Variants in CPNE8 observed in about 807,000 individuals in gnomAD.
The protein encoded by CPNE8 is copine 8.
In CPNE8, 45 loss-of-function variants were observed where a neutral mutation model predicts 81.5. That is an observed-to-expected ratio of 0.55 (90% CI 0.44 to 0.71). The LOEUF is 0.71. Among genes scored for constraint, CPNE8 ranks in the 30% least tolerant of loss-of-function variants. CPNE8 has a pLI of 0.00. For missense variants in CPNE8, 594 were observed against 672.1 expected (o/e 0.88, Z 1.28); for synonymous variants, 252 against 226.3 (o/e 1.11, Z -1.02).
At chr12:38,676,526 C>T (rs1939293347) in intron 17 of CPNE8, among the ~76,000 whole-genome samples, 1 of 152,078 alleles carries the variant, frequency 6.6e-6, no homozygotes, top group Non-Finnish European at 1.5e-5. Context: ...CTCATTTATA[C>T]CCAAGGTTAG....
chr12:38,763,437 G>C (rs566065097), intron 8 of CPNE8, among the ~76,000 whole-genome samples: 2 of 152,158 alleles, frequency 1.3e-5, no homozygotes, highest in African/African-American at 4.8e-5. Flanking sequence ...AGAATTCCTC[G>C]GGAGCCCCAA....
rs373488285 is a variant in CPNE8, at chr12:38,671,606, A to G, written c.1433-804T>C. ...TTTGTGCTTAAAGTATAATTCTATTACTGATAATTCATTTTGTATACACAT... is the reference window on the plus strand; with the variant it reads ...TTTGTGCTTAAAGTATAATTCTATTGCTGATAATTCATTTTGTATACACAT... On this transcript the variant is annotated intron_variant, in intron 18 of 19. Coordinates refer to ENST00000331366, the MANE Select transcript of CPNE8 (RefSeq NM_153634.3). Among the ~76,000 whole-genome samples the G allele has an allele frequency of 8.7e-4, 133 of 152,264 alleles. 2 individuals are homozygous for G. The South Asian group carries it at 0.026, about 30-fold the overall frequency.
intron 6 of CPNE8, among the ~76,000 whole-genome samples, chr12:38,799,017 C>T (rs1311905335): frequency 6.6e-6 from 1 of 152,136 alleles, no homozygotes; most frequent in Non-Finnish European, 1.5e-5. Flanking sequence ...AATATATATT[C>T]ACCCAATACA....
At chr12:38,795,247 C>A (rs750485322) in intron 6 of CPNE8, among the ~76,000 whole-genome samples, 2 of 152,282 alleles carry the variant, frequency 1.3e-5, no homozygotes, top group African/African-American at 4.8e-5. Context: ...CCATAATAAA[C>A]TTCCTTTCAT....
intron 6 of CPNE8, among the ~76,000 whole-genome samples, chr12:38,807,430 C>T (rs1285823532): frequency 6.6e-6 from 1 of 151,648 alleles, no homozygotes; most frequent in South Asian, 2.1e-4. Context: ...CAGAACAGAG[C>T]CCTCAGAAAT....
At chr12:38,715,310 G>T (rs77167870) in intron 13 of CPNE8, among the ~76,000 whole-genome samples, 1 of 152,004 alleles carries the variant, frequency 6.6e-6, no homozygotes, top group Non-Finnish European at 1.5e-5. Flanking sequence ...TAAGTATTTG[G>T]ATTAAGCAGA....
intron 4 of CPNE8, among the ~76,000 whole-genome samples, chr12:38,846,116 G>A (rs1297264202): frequency 2.6e-5 from 4 of 152,098 alleles, no homozygotes; most frequent in Non-Finnish European, 5.9e-5. Flanking sequence ...AAATGTTCCT[G>A]GAACAGACAA....
intron 4 of CPNE8, 52 bp downstream of exon 4, chr12:38,848,507 A>G (rs1397414002): frequency 1.3e-6 from 2 of 1,520,410 alleles, no homozygotes; most frequent in Non-Finnish European, 1.8e-6. Flanking sequence ...TACATTAGTA[A>G]TATTGTCTTT....
chr12:38,784,628 G>C (rs1320964443), intron 6 of CPNE8, among the ~76,000 whole-genome samples: 1 of 152,024 alleles, frequency 6.6e-6, no homozygotes, highest in African/African-American at 2.4e-5. Flanking sequence ...AAAGCAGCAA[G>C]AGAAAGAAAC....
In CPNE8 at chr12:38,806,829, G is replaced by T. The variant is rs1050942993; in HGVS notation, c.407+22550C>A. Among the ~76,000 whole-genome samples, 6 of 149,800 alleles carry T rather than the reference G, an allele frequency of 4.0e-5. 1 individual carries two copies. Among genetic ancestry groups the T allele is most frequent in the African/African-American group, 1.2e-4 (5 of 41,272 alleles). On this transcript the variant is annotated intron_variant, in intron 6 of 19. Coordinates refer to ENST00000331366, the MANE Select transcript of CPNE8 (RefSeq NM_153634.3). Reference sequence around the variant, plus strand: ...AGTCAAATTGTCCCTGTTTGCAGATGACATGCTGGTATATCTAGAAAACCC... The same window carrying T: ...AGTCAAATTGTCCCTGTTTGCAGATTACATGCTGGTATATCTAGAAAACCC...
intron 19 of CPNE8, among the ~76,000 whole-genome samples, chr12:38,655,329 G>A (rs1278261460): frequency 6.6e-6 from 1 of 152,100 alleles, no homozygotes; most frequent in Admixed American, 6.5e-5. Context: ...TAAACACTGT[G>A]CTGTTTGAGG....
Position 38,702,913 on chromosome 12 carries a change from ATTTGCG to A in CPNE8, c.917_922del (p.Thr306_Gln307del), listed in dbSNP as rs1169792226. 8 of 1,583,682 alleles carry A rather than the reference ATTTGCG, an allele frequency of 5.1e-6. No individual in the cohort carries two copies. The highest frequency in any genetic ancestry group is 5.2e-6 in the Non-Finnish European group (6 of 1,162,580). Reference sequence around the variant, plus strand: ...AAAATCAATAGCCACTGTGAAATTGATTTGCGTCCTGGAATAGAAGTAAACAAGACT... The same window carrying A: ...AAAATCAATAGCCACTGTGAAATTGATCCTGGAATAGAAGTAAACAAGACT... On this transcript the variant is annotated inframe_deletion and splice_region_variant, in exon 14 of 20. Coordinates refer to ENST00000331366, the MANE Select transcript of CPNE8 (RefSeq NM_153634.3).
At chr12:38,705,237 G>C (rs1027571247) in intron 13 of CPNE8, among the ~76,000 whole-genome samples, 4 of 152,062 alleles carry the variant, frequency 2.6e-5, no homozygotes, top group African/African-American at 7.2e-5. Flanking sequence ...GATAAATAAT[G>C]ATGGGATTTA....
rs965473675 is a variant in CPNE8 at position 38,887,034 on chromosome 12, G to A, written c.99-12523C>T. Among the ~76,000 whole-genome samples, 4 of 152,276 alleles carry A rather than the reference G, an allele frequency of 2.6e-5. No homozygotes were observed. In the East Asian group the frequency reaches 7.7e-4, roughly 29 times the overall value. Reference sequence around the variant, plus strand: ...TAGAAGGACCACATAGAACCACAAAGATCTGGTAAATCAAGAGAGACAAGC... The same window carrying A: ...TAGAAGGACCACATAGAACCACAAAAATCTGGTAAATCAAGAGAGACAAGC... On this transcript the variant is annotated intron_variant, in intron 1 of 19. Transcript: ENST00000331366.
At chr12:38,906,438 G>A (rs1038799144), upstream of CPNE8, 4 of 985,332 alleles carry the variant, frequency 4.1e-6, no homozygotes, top group African/African-American at 7.0e-5. Flanking sequence ...GTCTAACGGC[G>A]ACATTCCTCC....
At chr12:38,688,236 T>G (rs1939579756) in intron 15 of CPNE8, among the ~76,000 whole-genome samples, 1 of 152,186 alleles carries the variant, frequency 6.6e-6, no homozygotes, top group Non-Finnish European at 1.5e-5. Flanking sequence ...TTCTCTTCTT[T>G]GAGAATGGAA....
intron 3 of CPNE8, among the ~76,000 whole-genome samples, chr12:38,862,373 CT>C (rs1337110823): frequency 6.6e-6 from 1 of 151,994 alleles, no homozygotes; most frequent in African/African-American, 2.4e-5. Flanking sequence ...AGAAGCATGT[CT>C]TTTATGTAAA....
chr12:38,805,804 A>G (rs1458213442), intron 6 of CPNE8, among the ~76,000 whole-genome samples: 2 of 149,782 alleles, frequency 1.3e-5, no homozygotes, highest in African/African-American at 2.4e-5. Context: ...CCAAAAATCA[A>G]TGAATCCAGG....
intron 3 of CPNE8, among the ~76,000 whole-genome samples, chr12:38,864,948 T>C (rs1017811364): frequency 2.0e-5 from 3 of 152,160 alleles, no homozygotes; most frequent in African/African-American, 7.2e-5. Flanking sequence ...GAAAAAGATA[T>C]TTGCAAGATA....
Sources: allele counts gnomAD v4.1 joint callset (sites outside exome capture counted in the v4.1 genomes callset), GRCh38; gene constraint gnomAD v4.1.1; transcripts MANE v1.5; gene names NCBI Gene and HGNC (gene_info 2026-07-23, HGNC 2026-07-21).